Variants in SRFBP1 observed in about 807,000 individuals in gnomAD.
SRFBP1 encodes the protein serum response factor-binding protein 1.
SRFBP1 carries 47 observed loss-of-function variants against 45.5 expected under a neutral mutation model. That is an observed-to-expected ratio of 1.03 (90% confidence interval 0.82 to 1.32). The LOEUF (loss-of-function observed/expected upper bound fraction) is 1.32. Among genes scored for constraint, SRFBP1 ranks in the 40% most tolerant of loss-of-function variants. The probability of loss-of-function intolerance (pLI) is 0.00; values close to 1 mark genes in which losing one functional copy is unlikely to be tolerated. For synonymous variants in SRFBP1, 203 were observed against 166.3 expected, an observed-to-expected ratio of 1.22 and a Z score of -1.70; for missense variants, 621 against 484.6, an observed-to-expected ratio of 1.28 and a Z score of -2.64.
At chr5:121,984,545 T>G (rs1393346377) in intron 3 of SRFBP1, among the ~76,000 whole-genome samples, 1 of 151,828 alleles carries the variant, frequency 6.6e-6, no homozygotes, top group Non-Finnish European at 1.5e-5. Flanking sequence ...GGCACATCTA[T>G]GAATAGATTT....
intron 1 of SRFBP1, among the ~76,000 whole-genome samples, chr5:121,962,651 G>T (rs1751974066): frequency 6.6e-6 from 1 of 152,096 alleles, no homozygotes; most frequent in African/African-American, 2.4e-5. Context: ...TGCTTTTTCA[G>T]TCCATTCTCA....
At chr5:122,042,530 G>A (rs1381328639) in intron 2 of SRFBP1, among the ~76,000 whole-genome samples, 4 of 152,074 alleles carry the variant, frequency 2.6e-5, no homozygotes, top group African/African-American at 7.2e-5. Context: ...GGAATTACAG[G>A]CATGAACCAC....
chr5:122,030,649 G>A (rs1250685844), downstream of SRFBP1, among the ~76,000 whole-genome samples: 1 of 151,850 alleles, frequency 6.6e-6, no homozygotes, highest in Non-Finnish European at 1.5e-5. Flanking sequence ...GTAACAGTTG[G>A]GGTAAACAGT....
intron 7 of SRFBP1, among the ~76,000 whole-genome samples, chr5:122,025,409 C>T (rs1209907957): frequency 3.3e-5 from 5 of 152,102 alleles, no homozygotes; most frequent in Non-Finnish European, 7.4e-5. Flanking sequence ...GTGAATAGTG[C>T]CGCAATAAAC....
At chr5:122,052,396 T>C (rs1035542829) in intron 2 of SRFBP1, among the ~76,000 whole-genome samples, 1 of 152,204 alleles carries the variant, frequency 6.6e-6, no homozygotes, top group Non-Finnish European at 1.5e-5. Flanking sequence ...GAGTTGTAGA[T>C]TATGTGTCTT....
downstream of SRFBP1, among the ~76,000 whole-genome samples, chr5:122,029,359 A>G (rs1753555489): frequency 6.6e-6 from 1 of 152,146 alleles, no homozygotes; most frequent in South Asian, 2.1e-4. Context: ...GCTGGTCAGA[A>G]CACAAACTAT....
At position 121,969,628 on chromosome 5, in the gene SRFBP1, T is replaced by C. The variant is rs1441422186; in HGVS notation, c.37-4568T>C. Among the ~76,000 whole-genome samples, 6 of 152,148 alleles carry C rather than the reference T, an allele frequency of 3.9e-5. 1 individual carries two copies. Among genetic ancestry groups the C allele is most frequent in the Admixed American group, 3.9e-4 (6 of 15,266 alleles). ...GGTTAACTTTAAAGGCTTCTGTATG[T>C]CTAATTTCTAGGCGATACTTCACTG... On this transcript the variant is annotated intron_variant, in intron 1 of 7. Coordinates refer to ENST00000339397, the MANE Select transcript of SRFBP1 (RefSeq NM_152546.3).
chr5:122,026,947 C>G lies in SRFBP1; in HGVS notation c.1111C>G (p.Pro371Ala), dbSNP rs1184888603. The change falls in exon 8 of 8, where the codon CCA becomes GCA. Residue 371 changes from proline to alanine, a missense_variant. Physicochemically the swap from Pro to Ala is conservative, Grantham distance 27. Coordinates refer to ENST00000339397, the MANE Select transcript of SRFBP1 (RefSeq NM_152546.3). ...QAPKTRSLDFPQNEPQIKNQF... is the reference protein window; with the variant it reads ...QAPKTRSLDFAQNEPQIKNQF... ...TTTTTGCTTTCTCTTCCTAGATTTT[C>G]CACAGAATGAGCCTCAGATCAAGAA... The G allele has an allele frequency of 6.2e-7, 1 of 1,601,726 alleles. No individual in the cohort carries two copies. The highest frequency in any genetic ancestry group is 2.2e-5 in the East Asian group (1 of 44,608).
intron 2 of SRFBP1, among the ~76,000 whole-genome samples, chr5:122,048,846 G>C (rs909461197): frequency 3.9e-5 from 6 of 152,274 alleles, no homozygotes; most frequent in Admixed American, 3.9e-4. Context: ...GGTGTTTATA[G>C]TATTCTCTGA....
At chr5:122,006,797 C>A (rs977907076) in intron 4 of SRFBP1, among the ~76,000 whole-genome samples, 2 of 151,716 alleles carry the variant, frequency 1.3e-5, no homozygotes, top group Non-Finnish European at 2.9e-5. Flanking sequence ...TTATTGTTTT[C>A]TTTATATTAT....
chr5:121,969,461 T>C (rs1195655159), intron 1 of SRFBP1, among the ~76,000 whole-genome samples: 1 of 152,092 alleles, frequency 6.6e-6, no homozygotes, highest in Non-Finnish European at 1.5e-5. Context: ...TGCCTCTCTG[T>C]GGTTTCCTTT....
At chr5:121,995,258 T>G (rs1187756607) in intron 4 of SRFBP1, among the ~76,000 whole-genome samples, 1 of 151,838 alleles carries the variant, frequency 6.6e-6, no homozygotes, top group Non-Finnish European at 1.5e-5. Flanking sequence ...GACCACATAC[T>G]TGGAAGTAAA....
intron 2 of SRFBP1, among the ~76,000 whole-genome samples, chr5:122,041,533 T>C (rs1163294618): frequency 3.3e-5 from 5 of 151,648 alleles, no homozygotes; most frequent in Non-Finnish European, 5.9e-5. Flanking sequence ...CTCATTTGCC[T>C]TTTAGCTTTA....
chr5:121,994,297 A>T (rs914433801), intron 3 of SRFBP1, among the ~76,000 whole-genome samples: 2 of 151,976 alleles, frequency 1.3e-5, no homozygotes, highest in Non-Finnish European at 2.9e-5. Context: ...TTTGCCTGGC[A>T]TATCTTTGAA....
downstream of SRFBP1, among the ~76,000 whole-genome samples, chr5:122,031,103 A>G (rs112133745): frequency 0.027 from 4,163 of 152,268 alleles, 200 homozygotes; most frequent in African/African-American, 0.095. Context: ...AGAGTCCCCA[A>G]TACAAAGAGA....
At chr5:122,050,338 A>T (rs1341579641) in intron 2 of SRFBP1, among the ~76,000 whole-genome samples, 3 of 152,010 alleles carry the variant, frequency 2.0e-5, no homozygotes, top group Non-Finnish European at 4.4e-5. Context: ...TTCTTTATAC[A>T]TCTGGTAGAA....
intron 2 of SRFBP1, among the ~76,000 whole-genome samples, chr5:122,044,183 G>C (rs1369962303): frequency 6.6e-6 from 1 of 152,138 alleles, no homozygotes; most frequent in East Asian, 1.9e-4. Flanking sequence ...CAAAGGACTT[G>C]ATCTCATTTT....
rs141260874 is a variant in SRFBP1 at position 121,981,629 on chromosome 5, G to A, written c.198+6242G>A. On this transcript the variant is annotated intron_variant, in intron 3 of 7. Coordinates refer to ENST00000339397, the MANE Select transcript of SRFBP1 (RefSeq NM_152546.3). The stretch of plus-strand genomic sequence containing the variant: ...GTTTCAGGCCCCCTTGCCTACATCA[G>A]AGTTTTTAAACATAGCACATCTCTC... Among the ~76,000 whole-genome samples the A allele has an allele frequency of 1.0e-3, 151 of 147,896 alleles. No homozygotes were observed. In the Middle Eastern group the frequency reaches 0.021, roughly 21 times the overall value.
chr5:122,000,434 TG>T (rs1383233740), intron 4 of SRFBP1, among the ~76,000 whole-genome samples: 1 of 152,128 alleles, frequency 6.6e-6, no homozygotes, highest in Non-Finnish European at 1.5e-5. Context: ...CTGGTGTATT[TG>T]TTTTTCCTGA....
Sources: gnomAD v4.1 joint callset for allele counts (sites outside exome capture counted in the v4.1 genomes callset) on GRCh38, gnomAD v4.1.1 for gene constraint, MANE v1.5 for transcripts, NCBI Gene and HGNC (gene_info 2026-07-23, HGNC 2026-07-21) for gene names.